Variants in FOXP1 observed in about 807,000 individuals in gnomAD.
FOXP1 encodes forkhead box P1, also known as forkhead box protein P1.
Under a neutral mutation model 98.2 loss-of-function variants are expected in FOXP1, and 15 were observed. The observed-to-expected ratio is 0.15, with a 90% confidence interval of 0.10 to 0.24. FOXP1 has a LOEUF of 0.24. Ranked by LOEUF, FOXP1 falls within the 10% of genes least tolerant of loss-of-function variation. The pLI is 1.00. For synonymous variants in FOXP1, 371 were observed against 314.5 expected (o/e 1.18, Z -1.90); for missense variants, 633 against 848.5 (o/e 0.75, Z 3.15).
At chr3:71,353,099 T>A (rs1041474078) in intron 4 of FOXP1, among the ~76,000 whole-genome samples, 1 of 152,174 alleles carries the variant, frequency 6.6e-6, no homozygotes, top group Non-Finnish European at 1.5e-5. Context: ...AAAGCTGGCA[T>A]TAAAAAATTC....
chr3:71,495,081 C>T (rs1190940203), intron 2 of FOXP1, among the ~76,000 whole-genome samples: 1 of 152,188 alleles, frequency 6.6e-6, no homozygotes, highest in African/African-American at 2.4e-5. Flanking sequence ...ACTACCAACC[C>T]AATCCCAAAC....
chr3:71,532,674 G>A (rs1413763994), intron 2 of FOXP1, among the ~76,000 whole-genome samples: 2 of 152,178 alleles, frequency 1.3e-5, no homozygotes, highest in Non-Finnish European at 2.9e-5. Context: ...ATGAAGACAA[G>A]GTGGGGCCTC....
chr3:71,447,406 T>C (rs1051015697), intron 3 of FOXP1, among the ~76,000 whole-genome samples: 1 of 152,188 alleles, frequency 6.6e-6, no homozygotes, highest in African/African-American at 2.4e-5. Context: ...TGGGCAGTGA[T>C]TGGCAACCAG....
intron 7 of FOXP1, among the ~76,000 whole-genome samples, chr3:71,054,673 A>C (rs1200226430): frequency 6.6e-6 from 1 of 152,222 alleles, no homozygotes; most frequent in African/African-American, 2.4e-5. Context: ...TTTAATTTGC[A>C]GACTACATGA....
At chr3:70,990,835 T>C (rs528546425) in intron 13 of FOXP1, among the ~76,000 whole-genome samples, 1 of 152,278 alleles carries the variant, frequency 6.6e-6, no homozygotes, top group African/African-American at 2.4e-5. Context: ...TGAAAACGGT[T>C]AAGGATGTGG....
In FOXP1 at chr3:70,959,404, T is replaced by G; in HGVS notation, c.1890-13A>C. 1 of 1,614,058 alleles carries G rather than the reference T, an allele frequency of 6.2e-7. No individual in the cohort carries two copies. Among genetic ancestry groups the G allele is most frequent in the Non-Finnish European group, 8.5e-7 (1 of 1,179,986 alleles). On this transcript the variant is annotated splice_polypyrimidine_tract_variant and intron_variant, in intron 20 of 20. Coordinates refer to ENST00000649528, the MANE Select transcript of FOXP1 (RefSeq NM_001349338.3). ...GTGTACAGGATGCCTGGAAAAAATATGCAGAGGTTCAGTGAGGGTACTTCC... is the reference window on the plus strand; with the variant it reads ...GTGTACAGGATGCCTGGAAAAAATAGGCAGAGGTTCAGTGAGGGTACTTCC...
chr3:71,030,270 G>A (rs895304235), intron 11 of FOXP1, among the ~76,000 whole-genome samples: 1 of 152,314 alleles, frequency 6.6e-6, no homozygotes. Flanking sequence ...CATGAAACCA[G>A]TATGGTCCAT....
intron 2 of FOXP1, among the ~76,000 whole-genome samples, chr3:71,549,074 G>A (rs963471949): frequency 2.0e-5 from 3 of 152,164 alleles, no homozygotes; most frequent in Non-Finnish European, 4.4e-5. Context: ...GAAGTTAATT[G>A]TTGACTTCTG....
At chr3:71,549,877 A>C (rs527553921) in intron 2 of FOXP1, among the ~76,000 whole-genome samples, 1 of 150,004 alleles carries the variant, frequency 6.7e-6, no homozygotes, top group Admixed American at 6.6e-5. Flanking sequence ...AAAAAAAAAA[A>C]AAAAAAAAAC....
intron 6 of FOXP1, among the ~76,000 whole-genome samples, chr3:71,190,473 AC>A (rs1379450060): frequency 8.1e-6 from 1 of 124,094 alleles, no homozygotes; most frequent in African/African-American, 4.5e-5. Flanking sequence ...AAAAACAACA[AC>A]AAAAAAAAAA....
At chr3:70,996,567 G>T (rs999499265) in intron 13 of FOXP1, among the ~76,000 whole-genome samples, 4 of 152,228 alleles carry the variant, frequency 2.6e-5, no homozygotes, top group African/African-American at 7.2e-5. Flanking sequence ...TGATAGATCA[G>T]AGACACAAGG....
rs2041274837 is a variant in FOXP1 at position 70,995,802 on chromosome 3, G to A, written c.1062+5170C>T. ...AGTAGAAGGTTGCAACAAGAGAATG[G>A]AATTAACCAACCCTTCCCTGTTAAC... On this transcript the variant is annotated intron_variant, in intron 13 of 20. Transcript: ENST00000649528. Among the ~76,000 whole-genome samples, 5 of 152,198 alleles carry A rather than the reference G, an allele frequency of 3.3e-5. No individual in the cohort carries two copies. The South Asian group carries it at 1.0e-3, about 32-fold the overall frequency.
chr3:71,339,420 T>C (rs143177821), intron 4 of FOXP1, among the ~76,000 whole-genome samples: 15 of 152,348 alleles, frequency 9.8e-5, no homozygotes, highest in African/African-American at 3.6e-4. Context: ...CAGATTAGCA[T>C]TGGTGGCAAC....
intron 4 of FOXP1, among the ~76,000 whole-genome samples, chr3:71,320,176 C>T (rs1435625347): frequency 3.3e-5 from 5 of 152,012 alleles, no homozygotes; most frequent in Non-Finnish European, 7.3e-5. Flanking sequence ...GACATTAGGA[C>T]GCATCTCAAC....
At position 70,958,939 on chromosome 3, in the gene FOXP1, A is replaced by C; in HGVS notation, c.*308T>G. ...AGTTCAAAGTCTGCTGCTAAAAGTG[A>C]ATCAGTTTAGCAAATTTACAACACT... On this transcript the variant is annotated 3_prime_UTR_variant, in exon 21 of 21. Coordinates refer to ENST00000649528, the MANE Select transcript of FOXP1 (RefSeq NM_001349338.3). The C allele has an allele frequency of 2.3e-6, 1 of 429,684 alleles. No homozygotes were observed. The highest frequency in any genetic ancestry group is 2.3e-5 in the South Asian group (1 of 43,836). 26.6% of individuals were successfully genotyped at this position (429,684 alleles called of 1,614,324 possible).
intron 5 of FOXP1, among the ~76,000 whole-genome samples, chr3:71,237,786 G>A (rs1230597226): frequency 6.6e-6 from 1 of 152,180 alleles, no homozygotes; most frequent in Admixed American, 6.5e-5. Context: ...TTCCACAGCT[G>A]ATATTCATTC....
chr3:71,404,323 C>A (rs1264670388), intron 3 of FOXP1, among the ~76,000 whole-genome samples: 4 of 151,734 alleles, frequency 2.6e-5, no homozygotes, highest in African/African-American at 4.8e-5. Context: ...GACAGGGTTT[C>A]TCCATGTTGG....
intron 7 of FOXP1, among the ~76,000 whole-genome samples, chr3:71,087,395 T>G (rs1167343063): frequency 1.3e-5 from 2 of 152,312 alleles, no homozygotes; most frequent in Non-Finnish European, 2.9e-5. Context: ...GGCAAAGGAT[T>G]ATGCAACATA....
intron 3 of FOXP1, among the ~76,000 whole-genome samples, chr3:71,391,378 G>A (rs1302865923): frequency 3.9e-5 from 6 of 152,162 alleles, no homozygotes; most frequent in African/African-American, 1.4e-4. Context: ...AAATAAAAAT[G>A]AGTTTAAGAA....
Sources: gnomAD v4.1 joint callset for allele counts (sites outside exome capture counted in the v4.1 genomes callset) on GRCh38, gnomAD v4.1.1 for gene constraint, MANE v1.5 for transcripts, NCBI Gene and HGNC (gene_info 2026-07-23, HGNC 2026-07-21) for gene names.